Variants in ZNF563 observed in about 807,000 individuals in gnomAD.
The protein encoded by ZNF563 is zinc finger protein 563.
Under a neutral mutation model 48.5 loss-of-function variants are expected in ZNF563, and 39 were observed. The ratio of observed to expected loss-of-function variants is 0.80; its 90% CI spans 0.62 to 1.05. ZNF563 has a LOEUF of 1.05. ZNF563 is among the 50% of genes least tolerant of loss of function. ZNF563 has a pLI of 0.00. For synonymous variants in ZNF563, 168 were observed against 187.9 expected, an observed-to-expected ratio of 0.89 and a Z score of 0.87; for missense variants, 538 against 597.0, an observed-to-expected ratio of 0.90 and a Z score of 1.03.
Position 12,322,689 on chromosome 19 carries a change from A to G in ZNF563, c.26T>C (p.Val9Ala), listed in dbSNP as rs1325514462. The change falls in exon 2 of 4, where the codon GTG becomes GCG. Residue 9 changes from valine (V) to alanine (A), a missense_variant. Coordinates refer to ENST00000293725, the MANE Select transcript of ZNF563 (RefSeq NM_145276.3). ...TTCCTCCTGGGTGAAGTTCACAGCC[A>G]CATCCTCAAAGGCCACTGCGTCCTG... is the stretch of plus-strand genomic sequence containing the variant. Reference protein sequence around the residue: MDAVAFEDVAVNFTQEEWA... With the variant: MDAVAFEDAAVNFTQEEWA... 1 of 1,607,840 alleles carries G rather than the reference A, an allele frequency of 6.2e-7. No homozygotes were observed. Among genetic ancestry groups the G allele is most frequent in the Admixed American group, 1.7e-5 (1 of 59,568 alleles).
At chr19:12,334,648 C>T (rs1328637799), upstream of ZNF563, among the ~76,000 whole-genome samples, 1 of 152,098 alleles carries the variant, frequency 6.6e-6, no homozygotes, top group African/African-American at 2.4e-5. Flanking sequence ...GCGGGTGAAT[C>T]ACCTGAGGTC....
chr19:12,343,290 A>C, the ZNF563 span, among the ~76,000 whole-genome samples: 62 of 152,200 alleles, frequency 4.1e-4, no homozygotes, highest in East Asian at 6.4e-3. Context: ...GGAAGCGCAA[A>C]CTTCTTTAAA....
At chr19:12,343,971 C>T in the ZNF563 span, among the ~76,000 whole-genome samples, 3 of 151,850 alleles carry the variant, frequency 2.0e-5, no homozygotes, top group South Asian at 4.2e-4. Context: ...CCTCGTGATC[C>T]GCCCGCCTCG....
the ZNF563 span, among the ~76,000 whole-genome samples, chr19:12,345,234 A>G: frequency 2.0e-5 from 3 of 152,346 alleles, no homozygotes; most frequent in East Asian, 5.8e-4. Flanking sequence ...AGAAAAGCCT[A>G]TTCTAAAATT....
chr19:12,343,892 G>A, the ZNF563 span, among the ~76,000 whole-genome samples: 1,170 of 151,684 alleles, frequency 7.7e-3, 16 homozygotes, highest in African/African-American at 0.027. Flanking sequence ...CACCACGCCC[G>A]GCTAATTTTT....
chr19:12,319,883 T>C (rs1568473199), intron 3 of ZNF563, 50 bp from the exon 4 acceptor site: 4 of 1,526,384 alleles, frequency 2.6e-6, no homozygotes, highest in Non-Finnish European at 3.5e-6. Flanking sequence ...TAAATGATTA[T>C]TTATTTATGT....
intron 1 of ZNF563, among the ~76,000 whole-genome samples, chr19:12,332,347 C>CTTTTTTTTTTTTTTTTTTTT (rs567439951): frequency 1.5e-5 from 2 of 135,174 alleles, no homozygotes; most frequent in Non-Finnish European, 3.2e-5. Context: ...TTTCTTTTTT[C>CTTTTTTTTTTTTTTTTTTTT]TTTTTTTTTT....
upstream of ZNF563, among the ~76,000 whole-genome samples, chr19:12,335,578 A>C (rs910445461): frequency 6.6e-6 from 1 of 152,240 alleles, no homozygotes; most frequent in Non-Finnish European, 1.5e-5. Flanking sequence ...TGTTTTAAGA[A>C]AGATCATGAA....
At chr19:12,324,194 C>CA (rs1056056891) in intron 1 of ZNF563, among the ~76,000 whole-genome samples, 10 of 151,484 alleles carry the variant, frequency 6.6e-5, no homozygotes, top group Admixed American at 1.3e-4. Context: ...CCTGTCTCTG[C>CA]AAAAAAATAC....
At chr19:12,336,215 C>T (rs1176969243), upstream of ZNF563, among the ~76,000 whole-genome samples, 3 of 151,532 alleles carry the variant, frequency 2.0e-5, no homozygotes, top group African/African-American at 7.3e-5. Flanking sequence ...AATCCCAGCA[C>T]TTTAGGAGGC....
chr19:12,341,525 A>G, the ZNF563 span, among the ~76,000 whole-genome samples: 2 of 152,230 alleles, frequency 1.3e-5, no homozygotes, highest in Non-Finnish European at 2.9e-5. Context: ...ATGAAGAAAA[A>G]TATTCCATGC....
chr19:12,333,418 G>A (rs548140406), intron 1 of ZNF563, 62 bp downstream of exon 1: 12 of 1,582,398 alleles, frequency 7.6e-6, no homozygotes, highest in South Asian at 5.7e-5. Flanking sequence ...CGCCGCGGCC[G>A]GTTCTGGACG....
chr19:12,328,276 C>T (rs1297792283), intron 1 of ZNF563, among the ~76,000 whole-genome samples: 1 of 152,154 alleles, frequency 6.6e-6, no homozygotes, highest in Admixed American at 6.5e-5. Context: ...TGCTTGAGGC[C>T]AGACTGAGCA....
At chr19:12,328,764 C>T (rs1446693032) in intron 1 of ZNF563, among the ~76,000 whole-genome samples, 1 of 151,354 alleles carries the variant, frequency 6.6e-6, no homozygotes, top group Non-Finnish European at 1.5e-5. Context: ...AGTGAAACTC[C>T]ATCTCAAAAT....
rs755025209 is a variant in ZNF563, at chr19:12,319,458, T to A, written c.567A>T (p.Val189=). 6.8e-6 allele frequency: 11 copies of A among 1,614,134 alleles called. No individual in the cohort carries two copies. The African/African-American group carries it at 1.5e-4, about 22-fold the overall frequency. ...SSRRNLRRHM[V]VQGGNRPYKC... Reference sequence around the variant, plus strand: ...TATAAGGTCTATTTCCACCTTGCACTACCATGTGTCTTCGAAGGTTTCTAC... The same window carrying A: ...TATAAGGTCTATTTCCACCTTGCACAACCATGTGTCTTCGAAGGTTTCTAC... The change falls in exon 4 of 4, where the codon GTA becomes GTT. Residue 189 remains valine (V), a synonymous_variant. Coordinates refer to ENST00000293725, the MANE Select transcript of ZNF563 (RefSeq NM_145276.3).
chr19:12,336,711 G>C (rs74989405), upstream of ZNF563, among the ~76,000 whole-genome samples: 2 of 152,074 alleles, frequency 1.3e-5, no homozygotes, highest in South Asian at 4.1e-4. Context: ...AATTAAATGT[G>C]AGCTCTCCTC....
chr19:12,340,370 T>C, the ZNF563 span, among the ~76,000 whole-genome samples: 5 of 151,972 alleles, frequency 3.3e-5, no homozygotes, highest in African/African-American at 4.8e-5. Context: ...TAAGAAAATG[T>C]AACCAGGCAT....
intron 1 of ZNF563, among the ~76,000 whole-genome samples, chr19:12,326,764 G>A (rs573200098): frequency 3.9e-5 from 6 of 152,246 alleles, no homozygotes; most frequent in African/African-American, 1.4e-4. Context: ...TGCCAGTAAC[G>A]TTAAAAGAAG....
chr19:12,344,468 C>T, the ZNF563 span, among the ~76,000 whole-genome samples: 1 of 151,482 alleles, frequency 6.6e-6, no homozygotes. Flanking sequence ...GCAAAAAACA[C>T]ATTTATCATC....
Sources: gnomAD v4.1 joint callset for allele counts (sites outside exome capture counted in the v4.1 genomes callset) on GRCh38, gnomAD v4.1.1 for gene constraint, MANE v1.5 for transcripts, NCBI Gene and HGNC (gene_info 2026-07-23, HGNC 2026-07-21) for gene names.